MSRA: variants seen among roughly 807,000 people sequenced by gnomAD.
MSRA encodes methionine sulfoxide reductase A, also known as mitochondrial peptide methionine sulfoxide reductase.
In MSRA, 54 loss-of-function variants were observed where a neutral mutation model predicts 31.3. That is an observed-to-expected ratio of 1.73 (90% CI 1.39 to 2.17). The LOEUF is 2.17. Among genes scored for constraint, MSRA ranks in the 30% most tolerant of loss-of-function variants. The pLI is 0.00. For synonymous variants in MSRA, 169 were observed against 116.5 expected (o/e 1.45, Z -2.90); for missense variants, 507 against 300.9 (o/e 1.69, Z -5.07).
chr8:10,391,940 A>G (rs1806775382), intron 5 of MSRA, among the ~76,000 whole-genome samples: 1 of 152,204 alleles, frequency 6.6e-6, no homozygotes, highest in African/African-American at 2.4e-5. Context: ...ACATTTCTGG[A>G]TGGAACATGT....
chr8:10,384,643 C>T lies in MSRA; in HGVS notation c.544-43505C>T, dbSNP rs186388847. On this transcript the variant is annotated intron_variant, in intron 5 of 5. Transcript: ENST00000317173. ...GAAGCTTCCAGGTGTTTTCAGGGTGCAGCCAGGGCTGAGAACTGTTGCACT... is the reference window on the plus strand; with the variant it reads ...GAAGCTTCCAGGTGTTTTCAGGGTGTAGCCAGGGCTGAGAACTGTTGCACT... Among the ~76,000 whole-genome samples, 583 of 152,298 alleles carry T rather than the reference C, an allele frequency of 3.8e-3. 3 individuals are homozygous for T. Among genetic ancestry groups the T allele is most frequent in the African/African-American group, 0.013 (559 of 41,556 alleles).
At chr8:10,308,191 T>G (rs996115120) in intron 4 of MSRA, among the ~76,000 whole-genome samples, 1 of 152,212 alleles carries the variant, frequency 6.6e-6, no homozygotes, top group South Asian at 2.1e-4. Context: ...AGCCTTCTTA[T>G]TCTCATTTTC....
intron 5 of MSRA, among the ~76,000 whole-genome samples, chr8:10,368,613 C>A (rs1805301711): frequency 6.6e-6 from 1 of 152,204 alleles, no homozygotes; most frequent in South Asian, 2.1e-4. Context: ...CGTGCCTAGC[C>A]CTCTGGCCAA....
chr8:10,083,519 T>G (rs1482088084), intron 1 of MSRA, among the ~76,000 whole-genome samples: 1 of 152,198 alleles, frequency 6.6e-6, no homozygotes, highest in Admixed American at 6.5e-5. Context: ...TCCAGGGAAA[T>G]AAGAAATCAC....
chr8:10,414,989 A>G (rs1438912065), intron 5 of MSRA, among the ~76,000 whole-genome samples: 1 of 152,226 alleles, frequency 6.6e-6, no homozygotes, highest in Non-Finnish European at 1.5e-5. Context: ...CACTTGAATT[A>G]TTTTTAAAAG....
chr8:10,394,143 C>T (rs557851225), intron 5 of MSRA, among the ~76,000 whole-genome samples: 2 of 152,174 alleles, frequency 1.3e-5, no homozygotes, highest in East Asian at 1.9e-4. Context: ...CCAGTCTCTT[C>T]GACGTCCTCA....
intron 5 of MSRA, among the ~76,000 whole-genome samples, chr8:10,360,909 T>C (rs1409326144): frequency 6.6e-6 from 1 of 152,184 alleles, no homozygotes; most frequent in Non-Finnish European, 1.5e-5. Flanking sequence ...GAGTGGAACA[T>C]ACTTGGGCAA....
intron 4 of MSRA, among the ~76,000 whole-genome samples, chr8:10,304,499 A>G (rs1195734344): frequency 6.6e-6 from 1 of 152,242 alleles, no homozygotes; most frequent in East Asian, 1.9e-4. Context: ...TAACTCTGGT[A>G]TCAATGGAGT....
intron 2 of MSRA, among the ~76,000 whole-genome samples, chr8:10,242,166 G>C (rs1348588417): frequency 6.6e-6 from 1 of 152,074 alleles, no homozygotes; most frequent in Non-Finnish European, 1.5e-5. Flanking sequence ...AGCTACTAGG[G>C]AGGGTGCGGC....
At chr8:10,337,812 ATAT>A in intron 5 of MSRA, 1 of 702,586 alleles carries the variant, frequency 1.4e-6, no homozygotes, top group Non-Finnish European at 2.6e-6. Context: ...TATTAAAGCA[ATAT>A]TATTAGTATG....
intron 1 of MSRA, among the ~76,000 whole-genome samples, chr8:10,062,056 G>A (rs75315927): frequency 0.11 from 16,328 of 152,234 alleles, 974 homozygotes; most frequent in African/African-American, 0.14. Context: ...CTGGCTGGGG[G>A]AGGAGACATC....
intron 1 of MSRA, among the ~76,000 whole-genome samples, chr8:10,175,049 C>T (rs531437773): frequency 6.6e-6 from 1 of 152,306 alleles, no homozygotes; most frequent in African/African-American, 2.4e-5. Context: ...TCTACCCGAA[C>T]ATGATTCACC....
At chr8:10,354,750 G>GTGTGTGTATA (rs371336632) in intron 5 of MSRA, among the ~76,000 whole-genome samples, 1 of 138,404 alleles carries the variant, frequency 7.2e-6, no homozygotes, top group African/African-American at 2.8e-5. Context: ...GTGTGTGTGT[G>GTGTGTGTATA]TATATATATA....
intron 1 of MSRA, among the ~76,000 whole-genome samples, chr8:10,161,352 C>T (rs369748302): frequency 3.9e-5 from 6 of 152,182 alleles, no homozygotes; most frequent in Non-Finnish European, 7.3e-5. Context: ...AATAAAGTTG[C>T]TGCAGTGCTG....
chr8:10,259,755 T>G (rs2129092341), intron 3 of MSRA, among the ~76,000 whole-genome samples: 1 of 152,282 alleles, frequency 6.6e-6, no homozygotes, highest in South Asian at 2.1e-4. Flanking sequence ...TTCAGGGTGC[T>G]TTCCACCCTC....
At chr8:10,338,059 G>T (rs1299615176) in intron 5 of MSRA, among the ~76,000 whole-genome samples, 1 of 152,154 alleles carries the variant, frequency 6.6e-6, no homozygotes, top group Non-Finnish European at 1.5e-5. Context: ...ATATCCTTAA[G>T]TGGGAGAAAA....
chr8:10,364,067 A>G (rs1196353176), intron 5 of MSRA, among the ~76,000 whole-genome samples: 2 of 152,208 alleles, frequency 1.3e-5, no homozygotes, highest in Non-Finnish European at 2.9e-5. Context: ...GTCCACACAC[A>G]CTTAAACGAT....
intron 1 of MSRA, among the ~76,000 whole-genome samples, chr8:10,151,261 CAAAAA>C (rs34388218): frequency 5.2e-4 from 57 of 109,144 alleles, no homozygotes; most frequent in South Asian, 1.3e-3. Context: ...GAGTCTGTCT[CAAAAA>C]AAAAAAAAAA....
chr8:10,153,451 G>T (rs528605640), intron 1 of MSRA, among the ~76,000 whole-genome samples: 2 of 152,108 alleles, frequency 1.3e-5, no homozygotes, highest in Non-Finnish European at 2.9e-5. Flanking sequence ...CCTCACATTT[G>T]GTTGTCTTTA....
Sources: allele counts gnomAD v4.1 joint callset (sites outside exome capture counted in the v4.1 genomes callset), GRCh38; gene constraint gnomAD v4.1.1; transcripts MANE v1.5; gene names NCBI Gene and HGNC (gene_info 2026-07-23, HGNC 2026-07-21).